SUCO: variants seen among roughly 807,000 people sequenced by gnomAD.
The protein encoded by SUCO is SUN domain containing ossification factor.
SUCO carries 57 observed loss-of-function variants against 148.1 expected under a neutral mutation model. That is an observed-to-expected ratio of 0.38 (90% CI 0.31 to 0.48). The LOEUF is 0.48. SUCO is among the 20% of genes least tolerant of loss of function. The pLI, the probability that SUCO is intolerant of heterozygous loss-of-function variation, is 0.96. For synonymous variants in SUCO, 470 were observed against 502.7 expected (o/e 0.93, Z 0.87); for missense variants, 1,331 against 1,468.2 (o/e 0.91, Z 1.53).
At chr1:172,608,536 G>T (rs1658001045) in intron 22 of SUCO, 3 of 563,200 alleles carry the variant, frequency 5.3e-6, no homozygotes, top group Non-Finnish European at 9.4e-6. Context: ...GACCAGTCAA[G>T]CATAGGAATC....
Position 172,578,256 on chromosome 1 carries a change from G to T in SUCO, c.1341-42G>T, listed in dbSNP as rs1655604807. ...ATTGTGAAGAGATTAGTCTTAACGA[G>T]TGTTTTGTTTTGGAAGTCTTTAATG... On this transcript the variant is annotated intron_variant, in intron 13 of 23. Transcript: ENST00000263688. 3 of 1,371,746 alleles carry T rather than the reference G, an allele frequency of 2.2e-6. No individual in the cohort carries two copies. In the Admixed American group the frequency reaches 5.0e-5, roughly 23 times the overall value. The allele number at this position is 1,371,746 out of a possible 1,614,324, so 85.0% of individuals were successfully genotyped here.
intron 9 of SUCO, 99 bp from the exon 10 acceptor site, chr1:172,573,790 ACT>A (rs941816924): frequency 5.4e-5 from 35 of 650,308 alleles, no homozygotes; most frequent in Middle Eastern, 4.0e-4. Context: ...TTAATGAGTA[ACT>A]CTTAATGGTA....
intron 6 of SUCO, among the ~76,000 whole-genome samples, chr1:172,564,725 A>G (rs1654434352): frequency 6.6e-6 from 1 of 152,210 alleles, no homozygotes; most frequent in African/African-American, 2.4e-5. Flanking sequence ...TTACTTTAGG[A>G]CAAGGATTTA....
intron 20 of SUCO, among the ~76,000 whole-genome samples, chr1:172,600,580 G>A (rs1657435110): frequency 6.6e-6 from 1 of 152,168 alleles, no homozygotes; most frequent in South Asian, 2.1e-4. Context: ...GTATACGGTA[G>A]TTAATAGTCC....
chr1:172,533,094 C>A, upstream of SUCO: 1 of 1,428,504 alleles, frequency 7.0e-7, no homozygotes, highest in East Asian at 2.6e-5. Flanking sequence ...GGCGAGTACG[C>A]GGCGGCCGTT....
intron 6 of SUCO, among the ~76,000 whole-genome samples, chr1:172,561,697 G>A (rs888593608): frequency 2.0e-5 from 3 of 152,110 alleles, no homozygotes; most frequent in Non-Finnish European, 4.4e-5. Flanking sequence ...AAGGGTTCAA[G>A]GACCAATGAG....
chr1:172,562,327 A>ATT (rs34871543), intron 6 of SUCO, among the ~76,000 whole-genome samples: 27,581 of 137,418 alleles, frequency 0.2, 2,864 homozygotes, highest in South Asian at 0.27. Flanking sequence ...GGGTTTTAAC[A>ATT]TTTTTTTTTT....
chr1:172,553,277 T>C lies in SUCO; in HGVS notation c.195T>C (p.Pro65=). Residue 65 remains proline, a synonymous_variant, in exon 3 of 24, where the codon CCT becomes CCC. Coordinates refer to ENST00000263688, the MANE Select transcript of SUCO (RefSeq NM_014283.5). ...TTATATAGGATGAAAGAGAGGGACCTATCAATGCCGAATCATTGGGAAAAT... is the reference window on the plus strand; with the variant it reads ...TTATATAGGATGAAAGAGAGGGACCCATCAATGCCGAATCATTGGGAAAAT... ...QFQKKDEREG[P]INAESLGKSG... 1 of 1,585,604 alleles carries C rather than the reference T, an allele frequency of 6.3e-7. No homozygotes were observed. The highest frequency in any genetic ancestry group is 1.1e-5 in the South Asian group (1 of 88,384).
chr1:172,600,168 G>C lies in SUCO; in HGVS notation c.3018G>C (p.Glu1006Asp). The change falls in exon 20 of 24, where the codon GAG becomes GAC. Residue 1006 changes from glutamate to aspartate, a missense_variant and splice_region_variant. Around this residue, in one of 3 missense-constraint regions of SUCO, gnomAD observed 334 missense variants for 352.3 expected, o/e 0.95. Transcript: ENST00000263688. ...LSATVAELKR[E>D]VSDRQSYLVI... The stretch of plus-strand genomic sequence containing the variant: ...CAACAGTAGCAGAATTGAAACGGGA[G>C]GTAATTGTTATTGCTGGTATTGCGA... The C allele has an allele frequency of 1.2e-6, 2 of 1,604,398 alleles. No individual in the cohort carries two copies. Among genetic ancestry groups the C allele is most frequent in the South Asian group, 1.1e-5 (1 of 89,510 alleles).
chr1:172,595,718 T>A (rs1189953792), intron 19 of SUCO, among the ~76,000 whole-genome samples: 1 of 152,222 alleles, frequency 6.6e-6, no homozygotes, highest in African/African-American at 2.4e-5. Flanking sequence ...TATTTTTTCC[T>A]TCATTTCAAC....
chr1:172,558,950 A>G (rs567316827), intron 6 of SUCO, among the ~76,000 whole-genome samples: 1 of 152,332 alleles, frequency 6.6e-6, no homozygotes, highest in East Asian at 1.9e-4. Flanking sequence ...AAAAGAGTAG[A>G]ATTTTAATTA....
chr1:172,600,614 TG>T (rs1191898586), intron 20 of SUCO, among the ~76,000 whole-genome samples: 1 of 152,098 alleles, frequency 6.6e-6, no homozygotes, highest in African/African-American at 2.4e-5. Context: ...GTTTACGTCC[TG>T]GGGGAGGGAT....
At chr1:172,588,127 A>G (rs1436229528) in intron 17 of SUCO, 6 of 985,210 alleles carry the variant, frequency 6.1e-6, no homozygotes, top group Middle Eastern at 5.2e-4. Flanking sequence ...AGGAAGGGAG[A>G]TATGTTTCTT....
chr1:172,537,973 T>TTAC (rs1380487707), intron 1 of SUCO, among the ~76,000 whole-genome samples: 1 of 152,140 alleles, frequency 6.6e-6, no homozygotes, highest in Non-Finnish European at 1.5e-5. Flanking sequence ...GAGAGAACAC[T>TTAC]TACCCAGTTA....
At chr1:172,588,674 G>A (rs1656402014) in intron 17 of SUCO, 86 bp from the exon 18 acceptor site, 5 of 1,291,688 alleles carry the variant, frequency 3.9e-6, no homozygotes, top group Non-Finnish European at 5.0e-6. Flanking sequence ...TTTATCTTCT[G>A]TATGGATACA....
At chr1:172,548,026 A>G (rs1652991781) in intron 1 of SUCO, among the ~76,000 whole-genome samples, 2 of 152,020 alleles carry the variant, frequency 1.3e-5, no homozygotes, top group African/African-American at 2.4e-5. Flanking sequence ...TTTTTGTACT[A>G]TGCTGCCTAC....
rs561255331 is a variant in SUCO at position 172,544,939 on chromosome 1, G to A, written c.63-6573G>A. Among the ~76,000 whole-genome samples the A allele has an allele frequency of 5.3e-5, 8 of 152,310 alleles. No homozygotes were observed. The South Asian group carries it at 1.7e-3, about 32-fold the overall frequency. ...GTTAGGAATTAGGGAGATCTGTTAGGAGGTTGCTCTAGGTAAGAGATAAGG... is the reference window on the plus strand; with the variant it reads ...GTTAGGAATTAGGGAGATCTGTTAGAAGGTTGCTCTAGGTAAGAGATAAGG... On this transcript the variant is annotated intron_variant, in intron 1 of 23. Transcript: ENST00000263688.
intron 16 of SUCO, 56 bp downstream of exon 16, chr1:172,585,142 TTTA>T (rs1656148558): frequency 7.5e-7 from 1 of 1,330,208 alleles, no homozygotes; most frequent in Non-Finnish European, 1.0e-6. Context: ...GATCCTTATA[TTTA>T]GGAAAATCAA....
At chr1:172,562,538 G>T (rs976965016) in intron 6 of SUCO, among the ~76,000 whole-genome samples, 4 of 152,062 alleles carry the variant, frequency 2.6e-5, no homozygotes, top group Non-Finnish European at 5.9e-5. Flanking sequence ...CACCATGTTG[G>T]CCATGGCCAG....
Sources: gnomAD v4.1 joint callset for allele counts (sites outside exome capture counted in the v4.1 genomes callset) on GRCh38, gnomAD v4.1.1 for gene constraint, gnomAD v4.1.1 regional missense constraint, MANE v1.5 for transcripts, NCBI Gene and HGNC (gene_info 2026-07-23, HGNC 2026-07-21) for gene names.